ZNF385B: variants seen among roughly 807,000 people sequenced by gnomAD.
ZNF385B encodes the protein zinc finger protein 385B.
In ZNF385B, 23 loss-of-function variants were observed where a neutral mutation model predicts 39.2. That is an observed-to-expected ratio of 0.59 (90% confidence interval 0.42 to 0.83). The LOEUF (loss-of-function observed/expected upper bound fraction) is 0.83. Ranked by LOEUF, ZNF385B falls within the 40% of genes least tolerant of loss-of-function variation. ZNF385B has a pLI of 0.00. For missense variants in ZNF385B, 552 were observed against 598.9 expected (o/e 0.92, Z 0.82); for synonymous variants, 205 against 222.6 (o/e 0.92, Z 0.70).
chr2:179,689,817 GTGTGTGTGTT>G (rs67964547), intron 3 of ZNF385B, among the ~76,000 whole-genome samples: 29,078 of 131,040 alleles, frequency 0.22, 2,792 homozygotes, highest in Admixed American at 0.28. Context: ...GTGTGTGTGT[GTGTGTGTGTT>G]TATTTGTTTT....
intron 3 of ZNF385B, among the ~76,000 whole-genome samples, chr2:179,672,910 G>T (rs1186183245): frequency 6.6e-6 from 1 of 152,142 alleles, no homozygotes; most frequent in African/African-American, 2.4e-5. Flanking sequence ...GTATCCTAGA[G>T]ACTTAGGTCT....
At chr2:179,753,076 T>G (rs1271459042) in intron 3 of ZNF385B, among the ~76,000 whole-genome samples, 3 of 152,226 alleles carry the variant, frequency 2.0e-5, no homozygotes, top group African/African-American at 7.2e-5. Flanking sequence ...GGTCTAACAT[T>G]TAAGTCTTTA....
chr2:179,652,604 TC>T (rs1235465134), intron 3 of ZNF385B, among the ~76,000 whole-genome samples: 1 of 152,166 alleles, frequency 6.6e-6, no homozygotes, highest in Non-Finnish European at 1.5e-5. Context: ...CATTTGCTAG[TC>T]CCTTGCTCTT....
intron 3 of ZNF385B, among the ~76,000 whole-genome samples, chr2:179,674,824 C>T (rs1487983481): frequency 6.6e-6 from 1 of 152,174 alleles, no homozygotes; most frequent in African/African-American, 2.4e-5. Context: ...AATAGAGGGA[C>T]AGGGCTCACA....
intron 3 of ZNF385B, among the ~76,000 whole-genome samples, chr2:179,689,376 G>A (rs1219518139): frequency 2.0e-5 from 3 of 152,172 alleles, no homozygotes; most frequent in Admixed American, 6.5e-5. Context: ...CTTAAGAACA[G>A]AGTTGGAAAG....
At chr2:179,543,026 G>C (rs12997546) in intron 4 of ZNF385B, among the ~76,000 whole-genome samples, 66,626 of 152,034 alleles carry the variant, frequency 0.44, 15,199 homozygotes, top group Middle Eastern at 0.53. Flanking sequence ...AACCCCAGCA[G>C]TTTGGGAGGC....
chr2:179,761,455 A>G (rs891635860), intron 3 of ZNF385B, among the ~76,000 whole-genome samples: 13 of 152,144 alleles, frequency 8.5e-5, no homozygotes, highest in Non-Finnish European at 1.8e-4. Flanking sequence ...CAGCATACAG[A>G]TCCTACACAT....
At position 179,556,200 on chromosome 2, in the gene ZNF385B, TA is replaced by T. The variant is rs771243587; in HGVS notation, c.299-11232del. The stretch of plus-strand genomic sequence containing the variant: ...TGGATTTCTTACATTTAAGTGTTGT[TA>T]AAAAAAATGGATAAGATTTATTTGC... On this transcript the variant is annotated intron_variant, in intron 3 of 9. Coordinates refer to ENST00000410066, the MANE Select transcript of ZNF385B (RefSeq NM_152520.6). Among the ~76,000 whole-genome samples the T allele has an allele frequency of 3.4e-5, 5 of 148,872 alleles. No homozygotes were observed. The East Asian group carries it at 7.7e-4, about 23-fold the overall frequency.
At chr2:179,663,732 A>T (rs1694790404) in intron 3 of ZNF385B, among the ~76,000 whole-genome samples, 1 of 151,716 alleles carries the variant, frequency 6.6e-6, no homozygotes, top group South Asian at 2.1e-4. Context: ...AAAAAAAAAA[A>T]AAAAAATCTC....
chr2:179,656,774 G>C (rs1055157869), intron 3 of ZNF385B, among the ~76,000 whole-genome samples: 1 of 151,904 alleles, frequency 6.6e-6, no homozygotes, highest in Non-Finnish European at 1.5e-5. Context: ...TGTACCATAT[G>C]TATATCTGTG....
chr2:179,453,989 T>C (rs2050419058), intron 6 of ZNF385B, among the ~76,000 whole-genome samples: 1 of 152,026 alleles, frequency 6.6e-6, no homozygotes, highest in Non-Finnish European at 1.5e-5. Flanking sequence ...TCCCTAACAA[T>C]GGAAAGCGCA....
At chr2:179,558,177 C>T (rs781319050) in intron 3 of ZNF385B, among the ~76,000 whole-genome samples, 2 of 152,102 alleles carry the variant, frequency 1.3e-5, no homozygotes, top group Non-Finnish European at 2.9e-5. Context: ...CTATTTAGAC[C>T]TCTGGCTCTG....
chr2:179,674,778 G>C (rs1162585042), intron 3 of ZNF385B, among the ~76,000 whole-genome samples: 1 of 152,196 alleles, frequency 6.6e-6, no homozygotes, highest in Non-Finnish European at 1.5e-5. Flanking sequence ...ACACAGGTCA[G>C]CACATGGGTG....
In ZNF385B at chr2:179,443,161, C is replaced by T. The variant is rs995685721; in HGVS notation, c.*89G>A. On this transcript the variant is annotated 3_prime_UTR_variant, in exon 10 of 10. Coordinates refer to ENST00000410066, the MANE Select transcript of ZNF385B (RefSeq NM_152520.6). ...GCATTTTGTGGGTGAATGGGGGGTA[C>T]TGCAACACAAACTGCTTAAATTGCT... The T allele has an allele frequency of 4.1e-6, 6 of 1,462,916 alleles. No individual in the cohort carries two copies. The highest frequency in any genetic ancestry group is 5.7e-6 in the Non-Finnish European group (6 of 1,053,390). 90.6% of individuals were successfully genotyped at this position (1,462,916 alleles called of 1,614,324 possible). A position where few individuals can be genotyped will look rare whatever the true frequency, so the allele number is the denominator to read the frequency against.
intron 3 of ZNF385B, among the ~76,000 whole-genome samples, chr2:179,739,141 G>A (rs1284538718): frequency 2.0e-5 from 3 of 152,172 alleles, no homozygotes; most frequent in African/African-American, 7.2e-5. Flanking sequence ...CTATAGGATT[G>A]TTGTAAAGAT....
At chr2:179,515,598 C>G (rs1374061465) in intron 5 of ZNF385B, among the ~76,000 whole-genome samples, 2 of 152,250 alleles carry the variant, frequency 1.3e-5, no homozygotes. Flanking sequence ...TTACTTGAAT[C>G]TATTTCAGTA....
chr2:179,709,486 A>G (rs1010897967), intron 3 of ZNF385B, among the ~76,000 whole-genome samples: 1 of 152,168 alleles, frequency 6.6e-6, no homozygotes. Flanking sequence ...GGGCATGCAT[A>G]TAACAGTCTA....
chr2:179,746,355 A>G (rs1449217298), intron 3 of ZNF385B, among the ~76,000 whole-genome samples: 1 of 152,202 alleles, frequency 6.6e-6, no homozygotes, highest in African/African-American at 2.4e-5. Flanking sequence ...GGACTTCGCT[A>G]TAGACAAATG....
intron 1 of ZNF385B, among the ~76,000 whole-genome samples, chr2:179,808,063 T>C (rs1019477776): frequency 2.2e-4 from 34 of 151,718 alleles, no homozygotes; most frequent in African/African-American, 3.9e-4. Context: ...GACGGAGTCT[T>C]GCTCTGTCGC....
Sources: allele counts gnomAD v4.1 joint callset (sites outside exome capture counted in the v4.1 genomes callset), GRCh38; gene constraint gnomAD v4.1.1; transcripts MANE v1.5; gene names NCBI Gene and HGNC (gene_info 2026-07-23, HGNC 2026-07-21).